Variants in SFXN1 observed in about 807,000 individuals in gnomAD.
The protein encoded by SFXN1 is sideroflexin-1.
Under a neutral mutation model 39.5 loss-of-function variants are expected in SFXN1, and 32 were observed. The observed-to-expected ratio is 0.81, with a 90% CI of 0.61 to 1.09. The LOEUF (loss-of-function observed/expected upper bound fraction) is 1.09, where lower values mean the gene tolerates loss of function less well. Ranked by LOEUF, SFXN1 falls within the 50% of genes least tolerant of loss-of-function variation. The pLI, the probability that SFXN1 is intolerant of heterozygous loss-of-function variation, is 0.00. For synonymous variants in SFXN1, 136 were observed against 146.5 expected (o/e 0.93, Z 0.52); for missense variants, 402 against 407.1 (o/e 0.99, Z 0.11).
intron 2 of SFXN1, among the ~76,000 whole-genome samples, chr5:175,500,908 T>C (rs1409138327): frequency 6.6e-6 from 1 of 152,060 alleles, no homozygotes; most frequent in African/African-American, 2.4e-5. Flanking sequence ...TCTGGAAAAA[T>C]TAGATTCTTG....
intron 1 of SFXN1, among the ~76,000 whole-genome samples, chr5:175,481,469 G>A (rs1385609335): frequency 2.6e-5 from 4 of 152,106 alleles, no homozygotes; most frequent in African/African-American, 4.8e-5. Context: ...TTGCAGGTGC[G>A]TGCCACCATG....
Position 175,498,971 on chromosome 5 carries a change from C to T in SFXN1, c.164+6704C>T, listed in dbSNP as rs1244053601. ...ATTTTTTCACAGGAAGAATATCAAA[C>T]CAGCCAGGCGCAATGGCTCACGCCT... On this transcript the variant is annotated intron_variant, in intron 2 of 10. Coordinates refer to ENST00000321442, the MANE Select transcript of SFXN1 (RefSeq NM_022754.7). Among the ~76,000 whole-genome samples the T allele has an allele frequency of 5.3e-5, 8 of 152,228 alleles. 1 individual carries two copies. The highest frequency in any genetic ancestry group is 5.2e-4 in the Admixed American group (8 of 15,290).
intron 1 of SFXN1, among the ~76,000 whole-genome samples, chr5:175,480,372 G>T (rs981251501): frequency 6.6e-6 from 1 of 151,962 alleles, no homozygotes; most frequent in Non-Finnish European, 1.5e-5. Context: ...CTGCACTCCA[G>T]CCTGGGCGAC....
chr5:175,506,569 G>T (rs1760306860), intron 2 of SFXN1, among the ~76,000 whole-genome samples: 1 of 152,172 alleles, frequency 6.6e-6, no homozygotes, highest in South Asian at 2.1e-4. Flanking sequence ...AGTAAAATTA[G>T]AAGCAATTAA....
At chr5:175,480,426 C>T (rs944138351) in intron 1 of SFXN1, among the ~76,000 whole-genome samples, 8 of 151,864 alleles carry the variant, frequency 5.3e-5, no homozygotes, top group African/African-American at 7.3e-5. Flanking sequence ...CAGTGTTTGG[C>T]AGGGAGGAGC....
intron 2 of SFXN1, among the ~76,000 whole-genome samples, chr5:175,492,729 T>C (rs1229242182): frequency 1.3e-5 from 2 of 152,194 alleles, no homozygotes; most frequent in African/African-American, 4.8e-5. Context: ...GGAAGGGTGC[T>C]GGTGGCAATG....
intron 1 of SFXN1, among the ~76,000 whole-genome samples, chr5:175,484,462 C>T (rs1391100313): frequency 3.3e-5 from 5 of 152,212 alleles, no homozygotes; most frequent in Non-Finnish European, 5.9e-5. Context: ...ATGCCCTCAG[C>T]GCATCTCTGC....
At chr5:175,503,870 G>A (rs529302479) in intron 2 of SFXN1, among the ~76,000 whole-genome samples, 1 of 152,196 alleles carries the variant, frequency 6.6e-6, no homozygotes, top group East Asian at 1.9e-4. Context: ...CAGGCATGGT[G>A]GCACGCACCT....
intron 10 of SFXN1, among the ~76,000 whole-genome samples, chr5:175,525,472 T>C (rs1275131218): frequency 6.6e-6 from 1 of 152,206 alleles, no homozygotes; most frequent in African/African-American, 2.4e-5. Context: ...ACATAAACAA[T>C]AGCCATCATG....
intron 2 of SFXN1, among the ~76,000 whole-genome samples, chr5:175,504,525 A>C (rs968769428): frequency 2.6e-5 from 4 of 151,710 alleles, no homozygotes; most frequent in African/African-American, 9.7e-5. Flanking sequence ...CAGTGAGCCA[A>C]CATTGCATAA....
intron 1 of SFXN1, among the ~76,000 whole-genome samples, chr5:175,481,586 T>A (rs1214481883): frequency 6.6e-6 from 1 of 152,192 alleles, no homozygotes; most frequent in African/African-American, 2.4e-5. Flanking sequence ...AGTGCTGGGA[T>A]TACAGGTGTG....
chr5:175,497,999 TGATA>T (rs1049688667), intron 2 of SFXN1, among the ~76,000 whole-genome samples: 2 of 151,612 alleles, frequency 1.3e-5, no homozygotes, highest in Non-Finnish European at 2.9e-5. Flanking sequence ...TTATCATCTT[TGATA>T]GATCATCTAA....
intron 7 of SFXN1, among the ~76,000 whole-genome samples, 193 bp from the exon 8 acceptor site, chr5:175,516,421 T>G (rs577649051): frequency 6.6e-6 from 1 of 152,304 alleles, no homozygotes; most frequent in African/African-American, 2.4e-5. Context: ...GTTCAAAAAT[T>G]TAGAAAATCA....
intron 1 of SFXN1, among the ~76,000 whole-genome samples, chr5:175,489,378 G>C (rs1052408334): frequency 6.6e-6 from 1 of 152,174 alleles, no homozygotes; most frequent in Non-Finnish European, 1.5e-5. Context: ...GCCAGTGTGT[G>C]AACCCACCTG....
chr5:175,505,785 C>T (rs1244603971), intron 2 of SFXN1, among the ~76,000 whole-genome samples: 1 of 152,024 alleles, frequency 6.6e-6, no homozygotes, highest in African/African-American at 2.4e-5. Flanking sequence ...CTGATGCAGG[C>T]CAGCCAAAAG....
chr5:175,480,400 T>TAA (rs397972232), intron 1 of SFXN1, among the ~76,000 whole-genome samples: 19 of 144,688 alleles, frequency 1.3e-4, no homozygotes, highest in African/African-American at 4.0e-4. Flanking sequence ...GACTCCGTCT[T>TAA]AAAAAAAAAA....
Position 175,492,171 on chromosome 5 carries a change from G to C in SFXN1, c.68G>C (p.Gly23Ala). 6.2e-7 allele frequency: 1 copy of C among 1,614,036 alleles called. No homozygotes were observed. The highest frequency in any genetic ancestry group is 1.1e-5 in the South Asian group (1 of 91,052). The change falls in exon 2 of 11, where the codon GGA becomes GCA. Residue 23 changes from glycine to alanine, a missense_variant. Physicochemically the swap from Gly to Ala is moderately conservative, Grantham distance 60. Coordinates refer to ENST00000321442, the MANE Select transcript of SFXN1 (RefSeq NM_022754.7). The part of the protein sequence containing the change: ...EPRWDQSTFI[G>A]RANHFFTVTD... ...CGATGGGATCAAAGCACTTTCATTGGACGAGCCAATCATTTCTTCACTGTA... is the reference window on the plus strand; with the variant it reads ...CGATGGGATCAAAGCACTTTCATTGCACGAGCCAATCATTTCTTCACTGTA...
intron 8 of SFXN1, among the ~76,000 whole-genome samples, chr5:175,520,789 G>GT (rs1446959443): frequency 6.6e-6 from 1 of 152,178 alleles, no homozygotes; most frequent in Non-Finnish European, 1.5e-5. Flanking sequence ...GCGCTGGGGA[G>GT]TATTTAGCAT....
In SFXN1 at chr5:175,500,331, A is replaced by G. The variant is rs1447851771; in HGVS notation, c.164+8064A>G. Among the ~76,000 whole-genome samples, 4 of 151,458 alleles carry G rather than the reference A, an allele frequency of 2.6e-5. No individual in the cohort carries two copies. The East Asian group carries it at 7.7e-4, about 29-fold the overall frequency. The stretch of plus-strand genomic sequence containing the variant: ...ATTTTGAAATTTTTAAAATAATACC[A>G]TTTTCAGTAGCAACAAAAATATTAA... On this transcript the variant is annotated intron_variant, in intron 2 of 10. Coordinates refer to ENST00000321442, the MANE Select transcript of SFXN1 (RefSeq NM_022754.7).
Sources: allele counts gnomAD v4.1 joint callset (sites outside exome capture counted in the v4.1 genomes callset), GRCh38; gene constraint gnomAD v4.1.1; transcripts MANE v1.5; gene names NCBI Gene and HGNC (gene_info 2026-07-23, HGNC 2026-07-21).